The following MXRA5 variants were observed in gnomAD, a reference collection of about 807,000 sequenced individuals.
The protein encoded by MXRA5 is matrix-remodeling-associated protein 5.
Under a neutral mutation model 112.5 loss-of-function variants are expected in MXRA5, and 41 were observed. That is an observed-to-expected ratio of 0.36 (90% confidence interval 0.28 to 0.47). MXRA5 has a LOEUF of 0.47. Among genes scored for constraint, MXRA5 ranks in the 20% least tolerant of loss-of-function variants. MXRA5 has a pLI of 0.99. For missense variants in MXRA5, 2,150 were observed against 2,251.0 expected (o/e 0.96, Z 0.91); for synonymous variants, 862 against 900.8 (o/e 0.96, Z 0.77).
chrX:3,319,908 T>C (rs1177845950), intron 5 of MXRA5, 100 bp downstream of exon 5: 1 of 624,123 alleles, frequency 1.6e-6, no homozygotes, highest in Admixed American at 4.2e-5. Flanking sequence ...TCCTAATGTG[T>C]TTATGTTGTT....
chrX:3,320,331 G>T lies in MXRA5; in HGVS notation c.5354C>A (p.Pro1785Gln). 1.1e-5 allele frequency: 13 copies of T among 1,211,982 alleles called. No individual in the cohort carries two copies. The highest frequency in any genetic ancestry group is 1.5e-5 in the Non-Finnish European group (13 of 895,508). Reference sequence around the variant, plus strand: ...CGGAGTGTGCAACAACGGAGGTGCCGGAGGGCCAAAGTCCAGATGGAAGGT... The same window carrying T: ...CGGAGTGTGCAACAACGGAGGTGCCTGAGGGCCAAAGTCCAGATGGAAGGT... The part of the protein sequence containing the change: ...HSTFHLDFGP[P>Q]APPLLHTPQT... Residue 1785 changes from proline (P) to glutamine (Q), a missense_variant, in exon 5 of 7, where the codon CCG (proline) becomes CAG (glutamine). Pro to Gln is a moderately conservative substitution (Grantham distance 76). Around this residue, in one of 6 missense-constraint regions of MXRA5, gnomAD observed 1,485 missense variants for 1,471.6 expected, o/e 1.01. Transcript: ENST00000217939.
rs1166658347 is a variant in MXRA5 at position 3,332,732 on chromosome X, CTCT to C, written c.189-1962_189-1960del. Among the ~76,000 whole-genome samples, 5 of 111,816 alleles carry C rather than the reference CTCT, an allele frequency of 4.5e-5. No homozygotes were observed. In the Admixed American group the frequency reaches 4.7e-4, roughly 11 times the overall value. ...ATGAACAATCATATATAGTGGTTCT[CTCT>C]TCTTGATTACATGATATTTTTCACT... On this transcript the variant is annotated intron_variant, in intron 2 of 6. Transcript: ENST00000217939.
intron 2 of MXRA5, among the ~76,000 whole-genome samples, chrX:3,339,903 C>G (rs1204183517): frequency 8.9e-6 from 1 of 112,117 alleles, no homozygotes; most frequent in Admixed American, 9.5e-5. Flanking sequence ...GTATAACCAA[C>G]TCTGTGAAAT....
chrX:3,330,367 T>C lies in MXRA5; in HGVS notation c.360A>G (p.Gly120=). ...AGTTAGAGAGACCCTGGAGGGTCTGTCCTGTGATCACTCTCAGCTTGTTGT... is the reference window on the plus strand; with the variant it reads ...AGTTAGAGAGACCCTGGAGGGTCTGCCCTGTGATCACTCTCAGCTTGTTGT... The part of the protein sequence containing the change: ...FSYNKLRVIT[G]QTLQGLSNLM... Residue 120 remains glycine, a synonymous_variant, in exon 4 of 7, where the codon GGA becomes GGG. Transcript: ENST00000217939. 8.3e-7 allele frequency: 1 copy of C among 1,208,132 alleles called. No individual in the cohort carries two copies. Among genetic ancestry groups the C allele is most frequent in the South Asian group, 1.8e-5 (1 of 56,210 alleles).
intron 6 of MXRA5, among the ~76,000 whole-genome samples, chrX:3,313,180 T>C (rs1244018081): frequency 2.7e-5 from 3 of 112,680 alleles, no homozygotes; most frequent in Non-Finnish European, 5.6e-5. Flanking sequence ...GTCATCAGAA[T>C]CAACTGAGCA....
intron 4 of MXRA5, among the ~76,000 whole-genome samples, chrX:3,326,717 G>A (rs1185687507): frequency 9.1e-6 from 1 of 109,999 alleles, no homozygotes; most frequent in Non-Finnish European, 1.9e-5. Flanking sequence ...CCACAACTGG[G>A]TCTCAGTCAC....
Position 3,346,588 on chromosome X carries a change from G to A in MXRA5, c.-102C>T. Reference sequence around the variant, plus strand: ...CACCGAGCCGGGGCGCGCGAGTCACGGCCGGGAGTTTGCCGGGGCCATGCC... The same window carrying A: ...CACCGAGCCGGGGCGCGCGAGTCACAGCCGGGAGTTTGCCGGGGCCATGCC... On this transcript the variant is annotated 5_prime_UTR_variant, in exon 1 of 7. Coordinates refer to ENST00000217939, the MANE Select transcript of MXRA5 (RefSeq NM_015419.4). 2.7e-6 allele frequency: 2 copies of A among 753,609 alleles called. No homozygotes were observed. Among genetic ancestry groups the A allele is most frequent in the Non-Finnish European group, 3.1e-6 (2 of 638,380 alleles). The allele number at this position is 753,609 out of a possible 1,213,427, so 62.1% of individuals were successfully genotyped here. A position where few individuals can be genotyped will look rare whatever the true frequency, so the allele number is the denominator to read the frequency against.
chrX:3,332,480 C>G (rs1410198438), intron 2 of MXRA5, among the ~76,000 whole-genome samples: 5 of 110,763 alleles, frequency 4.5e-5, no homozygotes, highest in East Asian at 2.9e-4. Context: ...TCCTGACCTC[C>G]TGATCCGCCC....
chrX:3,327,296 C>CA (rs1235262232), intron 4 of MXRA5, among the ~76,000 whole-genome samples: 1 of 111,913 alleles, frequency 8.9e-6, no homozygotes, highest in Non-Finnish European at 1.9e-5. Context: ...CATCTCCCCC[C>CA]AACACACATA....
At chrX:3,326,030 T>TAC (rs1261365727) in intron 4 of MXRA5, among the ~76,000 whole-genome samples, 2 of 74,439 alleles carry the variant, frequency 2.7e-5, no homozygotes, top group Non-Finnish European at 4.6e-5. Flanking sequence ...GTATTTTATA[T>TAC]ATAAATTTAT....
At chrX:3,332,331 G>A (rs894063624) in intron 2 of MXRA5, among the ~76,000 whole-genome samples, 1 of 109,870 alleles carries the variant, frequency 9.1e-6, no homozygotes, top group Non-Finnish European at 1.9e-5. Context: ...TGTAAGCTCC[G>A]CCTCCCAGGT....
At chrX:3,313,411 C>T (rs1921018403) in intron 6 of MXRA5, among the ~76,000 whole-genome samples, 1 of 112,008 alleles carries the variant, frequency 8.9e-6, no homozygotes, top group African/African-American at 3.2e-5. Flanking sequence ...AGGCATAGGC[C>T]ACCACGCCCT....
chrX:3,315,327 G>GAT (rs1921068138), intron 6 of MXRA5, among the ~76,000 whole-genome samples: 2 of 33,353 alleles, frequency 6.0e-5, no homozygotes, highest in Non-Finnish European at 1.1e-4. Flanking sequence ...ATGATAGATA[G>GAT]ATAGATATAG....
chrX:3,329,319 A>ATAAGGAAGGAATGAAGGAAAAAAGAAG (rs1921596924), intron 4 of MXRA5, among the ~76,000 whole-genome samples: 1 of 88,446 alleles, frequency 1.1e-5, no homozygotes, highest in Admixed American at 1.3e-4. Context: ...GAAGGAAAAA[A>ATAAGGAAGGAATGAAGGAAAAAAGAAG]GAAGGAAGGA....
At chrX:3,326,618 C>A (rs1410181798) in intron 4 of MXRA5, among the ~76,000 whole-genome samples, 1 of 108,659 alleles carries the variant, frequency 9.2e-6, no homozygotes, top group Non-Finnish European at 1.9e-5. Context: ...TTGTAGTAAA[C>A]ACTTCACAGA....
At chrX:3,332,140 C>A (rs1170246801) in intron 2 of MXRA5, among the ~76,000 whole-genome samples, 1 of 112,627 alleles carries the variant, frequency 8.9e-6, no homozygotes, top group Non-Finnish European at 1.9e-5. Flanking sequence ...AAGCACCTTT[C>A]AGCTACAAAT....
intron 2 of MXRA5, among the ~76,000 whole-genome samples, chrX:3,338,950 A>ATAGT (rs1165666035): frequency 7.1e-5 from 6 of 84,593 alleles, no homozygotes; most frequent in Admixed American, 6.9e-4. Flanking sequence ...TAGATAATAG[A>ATAGT]TAGATAGTTA....
At chrX:3,318,127 G>T in intron 5 of MXRA5, 124 bp from the exon 6 acceptor site, 1 of 527,655 alleles carries the variant, frequency 1.9e-6, no homozygotes, top group African/African-American at 2.4e-5. Context: ...AAATGTAGTA[G>T]GTAGAATGTT....
intron 5 of MXRA5, 103 bp downstream of exon 5, chrX:3,319,905 G>A: frequency 1.7e-6 from 1 of 584,572 alleles, no homozygotes. Flanking sequence ...TTCTCCTAAT[G>A]TGTTTATGTT....
Sources: gnomAD v4.1 joint callset for allele counts (sites outside exome capture counted in the v4.1 genomes callset) on GRCh38, gnomAD v4.1.1 for gene constraint, gnomAD v4.1.1 regional missense constraint, MANE v1.5 for transcripts, NCBI Gene and HGNC (gene_info 2026-07-23, HGNC 2026-07-21) for gene names.